Variants in SOCS5 observed in about 807,000 individuals in gnomAD.
The protein encoded by SOCS5 is CIS-6.
A neutral mutation model predicts 42.8 loss-of-function variants in SOCS5; 32 were observed. That is an observed-to-expected ratio of 0.75 (90% CI 0.56 to 1.01). The LOEUF is 1.01. SOCS5 is among the 50% of genes least tolerant of loss of function. The pLI is 0.00. For missense variants in SOCS5, 627 were observed against 653.0 expected, an observed-to-expected ratio of 0.96 and a Z score of 0.43; for synonymous variants, 283 against 229.6, an observed-to-expected ratio of 1.23 and a Z score of -2.10.
At position 46,699,724 on chromosome 2, in the gene SOCS5, T is replaced by C. The variant is rs948279436; in HGVS notation, c.-13+275T>C. Among the ~76,000 whole-genome samples, 1 of 151,872 alleles carries C rather than the reference T, an allele frequency of 6.6e-6. No homozygotes were observed. Among genetic ancestry groups the C allele is most frequent in the Non-Finnish European group, 1.5e-5 (1 of 67,946 alleles). On this transcript the variant is annotated intron_variant, in intron 1 of 1. Coordinates refer to ENST00000394861, the MANE Select transcript of SOCS5 (RefSeq NM_144949.3). This position sits in a 1 kb window ranked among gnomAD's most constrained non-coding sequence, Gnocchi z 4.8. ...CTCTCGATGCATTTCTGTGGAATTG[T>C]TTTTCTGGTTGGAGGAACGTGGGGT...
chr2:46,722,069 G>A (rs1672896725), intron 1 of SOCS5, among the ~76,000 whole-genome samples: 1 of 151,750 alleles, frequency 6.6e-6, no homozygotes. Flanking sequence ...CTATTTGATT[G>A]TATATACTCT....
At chr2:46,725,726 C>T (rs1672976648) in intron 1 of SOCS5, among the ~76,000 whole-genome samples, 1 of 151,980 alleles carries the variant, frequency 6.6e-6, no homozygotes, top group South Asian at 2.1e-4. Flanking sequence ...CTTTGTTCTT[C>T]CTTAATTATA....
rs1672908308 is a variant in SOCS5, at chr2:46,722,620, T to C, written c.-13+23171T>C. Among the ~76,000 whole-genome samples, 3 of 152,176 alleles carry C rather than the reference T, an allele frequency of 2.0e-5. No homozygotes were observed. In the South Asian group the frequency reaches 6.2e-4, roughly 32 times the overall value. On this transcript the variant is annotated intron_variant, in intron 1 of 1. Transcript: ENST00000394861. ...GGTTATTTCCAGTTTGGAGCAATTG[T>C]GAATAGAACTGTTATAAACATTTAT...
intron 1 of SOCS5, among the ~76,000 whole-genome samples, chr2:46,705,035 A>G (rs1672429764): frequency 6.6e-6 from 1 of 152,256 alleles, no homozygotes; most frequent in African/African-American, 2.4e-5. Flanking sequence ...CCATGGGGAC[A>G]GAAGTTCCTG....
chr2:46,699,443 C>A lies in SOCS5; in HGVS notation c.-19C>A. The stretch of plus-strand genomic sequence containing the variant: ...CCTGGATGAGGCCGCCCCGCGCGCC[C>A]CAAACGGTGAGTGTCCCCGCGGTCG... On this transcript the variant is annotated 5_prime_UTR_variant, in exon 1 of 2. Transcript: ENST00000394861. The surrounding 1 kb of genome is among the most constrained non-coding windows in gnomAD (Gnocchi z 4.8). The A allele has an allele frequency of 6.6e-6, 1 of 152,282 alleles. No homozygotes were observed. Among genetic ancestry groups the A allele is most frequent in the South Asian group, 1.9e-4 (1 of 5,256 alleles). 9.4% of individuals were successfully genotyped at this position (152,282 alleles called of 1,614,324 possible). A position where few individuals can be genotyped will look rare whatever the true frequency, so the allele number is the denominator to read the frequency against.
At chr2:46,714,622 A>G (rs939654325) in intron 1 of SOCS5, among the ~76,000 whole-genome samples, 1 of 152,200 alleles carries the variant, frequency 6.6e-6, no homozygotes, top group Non-Finnish European at 1.5e-5. Flanking sequence ...CAGGGTTGGC[A>G]AACTATGGCT....
At chr2:46,740,866 C>G (rs1018853033) in intron 1 of SOCS5, among the ~76,000 whole-genome samples, 1 of 152,130 alleles carries the variant, frequency 6.6e-6, no homozygotes, top group Non-Finnish European at 1.5e-5. Flanking sequence ...TTTTCCTTAT[C>G]AAATCCGTGC....
chr2:46,713,793 T>C (rs1413456692), intron 1 of SOCS5, among the ~76,000 whole-genome samples: 1 of 152,208 alleles, frequency 6.6e-6, no homozygotes, highest in Non-Finnish European at 1.5e-5. Context: ...CATTTAAAGC[T>C]ATAAGTTTCC....
At chr2:46,708,767 G>A (rs952528477) in intron 1 of SOCS5, among the ~76,000 whole-genome samples, 1 of 151,950 alleles carries the variant, frequency 6.6e-6, no homozygotes, top group Non-Finnish European at 1.5e-5. Flanking sequence ...TACAACACAG[G>A]ATTCTTAGGC....
intron 1 of SOCS5, among the ~76,000 whole-genome samples, chr2:46,705,096 C>G (rs1482593751): frequency 6.6e-6 from 1 of 152,160 alleles, no homozygotes; most frequent in Non-Finnish European, 1.5e-5. Flanking sequence ...TTATTTGTAT[C>G]CTTAAAATAT....
In SOCS5 at chr2:46,759,462, G is replaced by A; in HGVS notation, c.932G>A (p.Ser311Asn). The A allele has an allele frequency of 3.1e-6, 5 of 1,613,986 alleles. No homozygotes were observed. In the South Asian group the frequency reaches 4.4e-5, roughly 14 times the overall value. Residue 311 changes from serine to asparagine, a missense_variant, in exon 2 of 2, where the codon AGT (serine) becomes AAT (asparagine). By Grantham distance (46) the Ser-to-Asn change is conservative. Around this residue, in one of 3 missense-constraint regions of SOCS5, gnomAD observed 340 missense variants for 367.6 expected, o/e 0.92. Coordinates refer to ENST00000394861, the MANE Select transcript of SOCS5 (RefSeq NM_144949.3). ...TTAGCTCCTGGAATGACTGAAATAA[G>A]TGGGGACAGTTCTGCAATTCCACAA... ...PKLAPGMTEISGDSSAIPQAN... is the reference protein window; with the variant it reads ...PKLAPGMTEINGDSSAIPQAN...
At chr2:46,722,918 G>T (rs1384352682) in intron 1 of SOCS5, among the ~76,000 whole-genome samples, 2 of 151,958 alleles carry the variant, frequency 1.3e-5, no homozygotes, top group African/African-American at 2.4e-5. Flanking sequence ...TAATAACGTT[G>T]AATATTTTTA....
At chr2:46,708,127 A>G in intron 1 of SOCS5, among the ~76,000 whole-genome samples, 1 of 152,226 alleles carries the variant, frequency 6.6e-6, no homozygotes, top group South Asian at 2.1e-4. Flanking sequence ...GATGACAGTC[A>G]AGGATGACAT....
chr2:46,746,286 C>A (rs1238422945), intron 1 of SOCS5, among the ~76,000 whole-genome samples: 1 of 152,056 alleles, frequency 6.6e-6, no homozygotes, highest in Non-Finnish European at 1.5e-5. Flanking sequence ...AGAGTAAGTA[C>A]AAAGGCAGTG....
chr2:46,704,650 C>T (rs993449633), intron 1 of SOCS5, among the ~76,000 whole-genome samples: 1 of 152,044 alleles, frequency 6.6e-6, no homozygotes, highest in Non-Finnish European at 1.5e-5. Flanking sequence ...GTCTTGTAAG[C>T]CTCATCATTT....
intron 1 of SOCS5, among the ~76,000 whole-genome samples, chr2:46,718,435 A>G (rs558895174): frequency 6.6e-6 from 1 of 152,332 alleles, no homozygotes; most frequent in East Asian, 1.9e-4. Context: ...TTCAAGTGAT[A>G]CAGAGAGTTA....
At chr2:46,733,123 C>G (rs374931357) in intron 1 of SOCS5, among the ~76,000 whole-genome samples, 1 of 151,800 alleles carries the variant, frequency 6.6e-6, no homozygotes, top group African/African-American at 2.4e-5. Context: ...GAGGCAGAGT[C>G]TCGTTTTATT....
At chr2:46,739,378 T>A (rs1673320678) in intron 1 of SOCS5, among the ~76,000 whole-genome samples, 1 of 152,192 alleles carries the variant, frequency 6.6e-6, no homozygotes, top group African/African-American at 2.4e-5. Flanking sequence ...AGGTGGTTGT[T>A]AGTAGCACTT....
intron 1 of SOCS5, among the ~76,000 whole-genome samples, chr2:46,707,020 G>A (rs1315130125): frequency 6.6e-6 from 1 of 152,200 alleles, no homozygotes; most frequent in Non-Finnish European, 1.5e-5. Flanking sequence ...TACAAATGAG[G>A]ATGGAGGAAT....
Sources: allele counts gnomAD v4.1 joint callset (sites outside exome capture counted in the v4.1 genomes callset), GRCh38; gene constraint gnomAD v4.1.1; regional missense constraint gnomAD v4.1.1; non-coding constraint Gnocchi (gnomAD v3.1); transcripts MANE v1.5; gene names NCBI Gene and HGNC (gene_info 2026-07-23, HGNC 2026-07-21).